TSHR: variants seen among roughly 807,000 people sequenced by gnomAD.
TSHR encodes thyrotropin receptor.
Under a neutral mutation model 64.1 loss-of-function variants are expected in TSHR, and 51 were observed. The observed-to-expected ratio is 0.80, with a 90% CI of 0.64 to 1.01. The LOEUF (loss-of-function observed/expected upper bound fraction) is 1.01, where lower values mean the gene tolerates loss of function less well. TSHR is among the 50% of genes least tolerant of loss of function. The pLI, the probability that TSHR is intolerant of heterozygous loss-of-function variation, is 0.00. For synonymous variants in TSHR, 361 were observed against 361.9 expected (o/e 1.00, Z 0.03); for missense variants, 877 against 942.8 (o/e 0.93, Z 0.91).
intron 1 of TSHR, among the ~76,000 whole-genome samples, chr14:80,977,785 C>A (rs1172458678): frequency 6.6e-6 from 1 of 152,182 alleles, no homozygotes; most frequent in East Asian, 1.9e-4. Flanking sequence ...ATGGGCGAAG[C>A]AATCTTTCTA....
At chr14:80,958,985 G>A (rs1204601915) in intron 1 of TSHR, among the ~76,000 whole-genome samples, 3 of 152,134 alleles carry the variant, frequency 2.0e-5, no homozygotes, top group East Asian at 1.9e-4. Flanking sequence ...AATTATGATG[G>A]TGCCGAGAAC....
At chr14:81,041,702 A>G (rs924483028) in intron 1 of TSHR, among the ~76,000 whole-genome samples, 1 of 152,184 alleles carries the variant, frequency 6.6e-6, no homozygotes, top group Admixed American at 6.6e-5. Context: ...ATGATAGCAT[A>G]TATAAAAGTG....
At chr14:81,008,927 A>C (rs543722128) in intron 1 of TSHR, among the ~76,000 whole-genome samples, 2 of 152,304 alleles carry the variant, frequency 1.3e-5, no homozygotes, top group Admixed American at 6.5e-5. Flanking sequence ...TTTTACCCAT[A>C]AACAGTCTTC....
chr14:81,049,082 A>T (rs1885309457), intron 1 of TSHR, among the ~76,000 whole-genome samples: 1 of 152,214 alleles, frequency 6.6e-6, no homozygotes, highest in African/African-American at 2.4e-5. Flanking sequence ...CAAGAACCTA[A>T]CCAGGACATT....
chr14:81,142,719 C>T (rs1185189652), intron 9 of TSHR, among the ~76,000 whole-genome samples: 10 of 150,672 alleles, frequency 6.6e-5, no homozygotes. Flanking sequence ...AGGTGATTTT[C>T]CCACCTCAGC....
chr14:80,956,554 G>A (rs1228340987), intron 1 of TSHR, among the ~76,000 whole-genome samples: 1 of 152,170 alleles, frequency 6.6e-6, no homozygotes, highest in Non-Finnish European at 1.5e-5. Flanking sequence ...TTTCTTAACA[G>A]CAATTTAAAT....
intron 1 of TSHR, among the ~76,000 whole-genome samples, chr14:81,005,450 G>GCACT (rs1166016514): frequency 5.3e-5 from 8 of 151,098 alleles, no homozygotes; most frequent in African/African-American, 1.7e-4. Flanking sequence ...ATATTTTTCT[G>GCACT]CACTCCCCAG....
chr14:81,044,823 T>C (rs893910497), intron 1 of TSHR, among the ~76,000 whole-genome samples: 5 of 152,144 alleles, frequency 3.3e-5, no homozygotes, highest in Non-Finnish European at 7.3e-5. Context: ...AGTTCAACTA[T>C]TGTGGAAGAC....
intron 1 of TSHR, among the ~76,000 whole-genome samples, chr14:81,056,421 A>G (rs1373732945): frequency 6.6e-6 from 1 of 152,194 alleles, no homozygotes; most frequent in Non-Finnish European, 1.5e-5. Context: ...ACATATATGC[A>G]TACATATATG....
At chr14:80,985,441 C>T (rs1888395150) in intron 1 of TSHR, among the ~76,000 whole-genome samples, 1 of 152,144 alleles carries the variant, frequency 6.6e-6, no homozygotes, top group Admixed American at 6.5e-5. Context: ...TAAATGTAAT[C>T]GGAGAAATTT....
chr14:81,111,513 A>G (rs1316383495), intron 8 of TSHR, among the ~76,000 whole-genome samples: 1 of 152,236 alleles, frequency 6.6e-6, no homozygotes, highest in Non-Finnish European at 1.5e-5. Flanking sequence ...CCCTCAGGAT[A>G]GAGGTCTTGG....
chr14:81,019,249 G>A (rs1394647253), intron 1 of TSHR, among the ~76,000 whole-genome samples: 1 of 151,404 alleles, frequency 6.6e-6, no homozygotes, highest in Non-Finnish European at 1.5e-5. Context: ...CAGGAGAATC[G>A]CTTGAACCCA....
rs549283051 is a variant in TSHR, at chr14:81,008,168, T to C, written c.170+52318T>C. Among the ~76,000 whole-genome samples, 8 of 122,540 alleles carry C rather than the reference T, an allele frequency of 6.5e-5. No individual in the cohort carries two copies. In the South Asian group the frequency reaches 2.5e-3, roughly 39 times the overall value. 80.4% of individuals were successfully genotyped at this position (122,540 alleles called of 152,430 possible). On this transcript the variant is annotated intron_variant, in intron 1 of 9. Transcript: ENST00000298171. ...AAACACAAACTTGTAGACCATTTTCTTTCTTTCTTTTTTTTTTTTTTTGAG... is the reference window on the plus strand; with the variant it reads ...AAACACAAACTTGTAGACCATTTTCCTTCTTTCTTTTTTTTTTTTTTTGAG...
chr14:81,068,814 T>C (rs1886848630), intron 3 of TSHR, among the ~76,000 whole-genome samples: 1 of 152,228 alleles, frequency 6.6e-6, no homozygotes, highest in African/African-American at 2.4e-5. Context: ...TTATCTACCC[T>C]TGGACAAGTC....
chr14:80,997,439 G>T (rs1000252799), intron 1 of TSHR, among the ~76,000 whole-genome samples: 1 of 152,098 alleles, frequency 6.6e-6, no homozygotes, highest in Non-Finnish European at 1.5e-5. Context: ...AAAATGTAAA[G>T]GATTTTTCTA....
chr14:80,998,687 A>C (rs900981978), intron 1 of TSHR, among the ~76,000 whole-genome samples: 1 of 152,082 alleles, frequency 6.6e-6, no homozygotes, highest in Non-Finnish European at 1.5e-5. Flanking sequence ...ACACAACATT[A>C]TCTTGACCTC....
At position 81,103,206 on chromosome 14, in the gene TSHR, G is replaced by A. The variant is rs528958120; in HGVS notation, c.615-5169G>A. 269 of 985,402 alleles carry A rather than the reference G, an allele frequency of 2.7e-4. 3 individuals are homozygous for A. The South Asian group carries it at 0.011, about 39-fold the overall frequency. The allele number at this position is 985,402 out of a possible 1,614,324, so 61.0% of individuals were successfully genotyped here. A position where few individuals can be genotyped will look rare whatever the true frequency, so the allele number is the denominator to read the frequency against. ...AATAATAAAATAGTATTCACATTGT[G>A]TTTTTAACATAGGGATGTTGCTTTT... is the stretch of plus-strand genomic sequence containing the variant. On this transcript the variant is annotated intron_variant, in intron 7 of 9. Coordinates refer to ENST00000298171, the MANE Select transcript of TSHR (RefSeq NM_000369.5). This position sits in a 1 kb window ranked among gnomAD's most constrained non-coding sequence, Gnocchi z 4.1.
chr14:81,083,012 A>C (rs1888020402), intron 3 of TSHR, among the ~76,000 whole-genome samples: 1 of 103,280 alleles, frequency 9.7e-6, no homozygotes, highest in African/African-American at 3.7e-5. Context: ...AGGAAAATGG[A>C]AGGAAATTAG....
intron 1 of TSHR, among the ~76,000 whole-genome samples, chr14:80,959,938 G>A (rs1372529466): frequency 1.3e-5 from 2 of 152,132 alleles, no homozygotes; most frequent in African/African-American, 4.8e-5. Flanking sequence ...TGGAAAATTA[G>A]CATGACTTCG....
Sources: allele counts gnomAD v4.1 joint callset (sites outside exome capture counted in the v4.1 genomes callset), GRCh38; gene constraint gnomAD v4.1.1; non-coding constraint Gnocchi (gnomAD v3.1); transcripts MANE v1.5; gene names NCBI Gene and HGNC (gene_info 2026-07-23, HGNC 2026-07-21).